GOLGA4: variants seen among roughly 807,000 people sequenced by gnomAD.
GOLGA4 encodes the protein golgin subfamily A member 4.
A neutral mutation model predicts 265.9 loss-of-function variants in GOLGA4; 169 were observed. The ratio of observed to expected loss-of-function variants is 0.64; its 90% CI spans 0.56 to 0.72. GOLGA4 has a LOEUF of 0.72. GOLGA4 is among the 30% of genes least tolerant of loss of function. The pLI, the probability that GOLGA4 is intolerant of heterozygous loss-of-function variation, is 0.00. For missense variants in GOLGA4, 2,482 were observed against 2,483.4 expected (o/e 1.00, Z 0.01); for synonymous variants, 923 against 855.8 (o/e 1.08, Z -1.37).
rs79904515 is a variant in GOLGA4 at position 37,269,239 on chromosome 3, C to T, written c.163-12719C>T. 8.9e-3 allele frequency among the ~76,000 whole-genome samples: 1,349 copies of T among 152,240 alleles called. 26 individuals are homozygous for T. The highest frequency in any genetic ancestry group is 0.031 in the African/African-American group (1,279 of 41,518). ...TATTGAGCTAGTTCTACAGGCACCT[C>T]GCTAGGGGAAAGCCTTCAGAGGAAG... On this transcript the variant is annotated intron_variant, in intron 2 of 23. Transcript: ENST00000361924.
chr3:37,338,828 G>A (rs939157222), intron 19 of GOLGA4, among the ~76,000 whole-genome samples: 11 of 150,268 alleles, frequency 7.3e-5, no homozygotes, highest in Non-Finnish European at 1.3e-4. Flanking sequence ...CATATAAATG[G>A]AATAATAACA....
intron 2 of GOLGA4, among the ~76,000 whole-genome samples, chr3:37,275,176 A>G (rs976131736): frequency 2.9e-5 from 4 of 138,076 alleles, no homozygotes; most frequent in Admixed American, 1.7e-4. Flanking sequence ...AGATCACGCC[A>G]CTGCACTCCA....
chr3:37,334,773 G>A (rs2097003980), intron 16 of GOLGA4, among the ~76,000 whole-genome samples: 1 of 152,060 alleles, frequency 6.6e-6, no homozygotes, highest in South Asian at 2.1e-4. Context: ...TTTGGGATGA[G>A]GAGAGAGGGA....
intron 7 of GOLGA4, among the ~76,000 whole-genome samples, chr3:37,297,687 G>C (rs2096882121): frequency 6.6e-6 from 1 of 152,094 alleles, no homozygotes; most frequent in Non-Finnish European, 1.5e-5. Flanking sequence ...TAGCTGACTA[G>C]GGTTGTCCCT....
intron 2 of GOLGA4, among the ~76,000 whole-genome samples, chr3:37,280,000 C>G (rs1324475982): frequency 6.6e-6 from 1 of 151,968 alleles, no homozygotes; most frequent in Non-Finnish European, 1.5e-5. Context: ...TCCGGTGTTT[C>G]TTCTTACCTA....
intron 2 of GOLGA4, among the ~76,000 whole-genome samples, chr3:37,255,389 C>T (rs2096745704): frequency 6.6e-6 from 1 of 151,820 alleles, no homozygotes; most frequent in Admixed American, 6.6e-5. Flanking sequence ...TCTTGAACTC[C>T]CGACCTCAGG....
intron 10 of GOLGA4, among the ~76,000 whole-genome samples, chr3:37,309,346 A>G (rs530320113): frequency 6.6e-6 from 1 of 152,272 alleles, no homozygotes; most frequent in Admixed American, 6.5e-5. Flanking sequence ...ACCTGAGGTC[A>G]GGAGTTTGAG....
At chr3:37,252,334 T>TA (rs910752567) in intron 2 of GOLGA4, among the ~76,000 whole-genome samples, 7 of 151,608 alleles carry the variant, frequency 4.6e-5, no homozygotes, top group Non-Finnish European at 7.4e-5. Flanking sequence ...TTTTTTTTTT[T>TA]AATAGTTTTA....
At position 37,298,995 on chromosome 3, in the gene GOLGA4, G is replaced by T; in HGVS notation, c.977G>T (p.Arg326Ile). The change falls in exon 8 of 24, where the codon AGA becomes ATA. Residue 326 changes from arginine (R) to isoleucine (I), a missense_variant. Arg to Ile is a moderately conservative substitution (Grantham distance 97). Coordinates refer to ENST00000361924, the MANE Select transcript of GOLGA4 (RefSeq NM_002078.5). ...KEALQEQLDE[R>I]LQELEKIKDL... ...GCTCTGCAAGAACAACTGGATGAAA[G>T]ACTTCAAGAACTAGAAAAGATAAAG... The T allele has an allele frequency of 1.3e-6, 2 of 1,594,900 alleles. No individual in the cohort carries two copies. The highest frequency in any genetic ancestry group is 1.7e-4 in the Middle Eastern group (1 of 5,940).
intron 19 of GOLGA4, among the ~76,000 whole-genome samples, chr3:37,339,065 T>C (rs1186695055): frequency 2.0e-5 from 3 of 152,098 alleles, no homozygotes; most frequent in Non-Finnish European, 4.4e-5. Context: ...GGTTTCACCA[T>C]GTTAGCCAGG....
At position 37,315,406 on chromosome 3, in the gene GOLGA4, T is replaced by G. The variant is rs2150928174; in HGVS notation, c.1235-14T>G. On this transcript the variant is annotated splice_polypyrimidine_tract_variant and intron_variant, in intron 10 of 23. Transcript: ENST00000361924. The stretch of plus-strand genomic sequence containing the variant: ...ATTTCTTGAGATACTTGTTTTCTGT[T>G]GTTTTCATTATAGCTTTTGAGGAAC... 2 of 1,599,816 alleles carry G rather than the reference T, an allele frequency of 1.3e-6. No individual in the cohort carries two copies. Among genetic ancestry groups the G allele is most frequent in the East Asian group, 2.2e-5 (1 of 44,760 alleles).
intron 2 of GOLGA4, among the ~76,000 whole-genome samples, chr3:37,273,255 A>G (rs1559368317): frequency 6.6e-6 from 1 of 152,210 alleles, no homozygotes; most frequent in Non-Finnish European, 1.5e-5. Flanking sequence ...AACTGGGGAC[A>G]TAATGGGAAG....
At chr3:37,299,096 C>T (rs944851428) in intron 8 of GOLGA4, 76 bp downstream of exon 8, 1 of 1,276,506 alleles carries the variant, frequency 7.8e-7, no homozygotes, top group East Asian at 2.3e-5. Context: ...TGGCTTGTAC[C>T]TCCGGGAGAG....
chr3:37,275,669 G>A lies in GOLGA4; in HGVS notation c.163-6289G>A, dbSNP rs530473132. On this transcript the variant is annotated intron_variant, in intron 2 of 23. Transcript: ENST00000361924. ...CCACTTCCCCTTGCCAGCGGGGTGG[G>A]CGCGGAGAAGACCTGCCGGAGCCAT... 53 of 1,611,548 alleles carry A rather than the reference G, an allele frequency of 3.3e-5. No homozygotes were observed. In the African/African-American group the frequency reaches 6.9e-4, roughly 21 times the overall value.
At chr3:37,283,755 G>A (rs1224232639) in intron 3 of GOLGA4, among the ~76,000 whole-genome samples, 1 of 152,128 alleles carries the variant, frequency 6.6e-6, no homozygotes, top group East Asian at 1.9e-4. Context: ...TTGAACTCCT[G>A]AAGTCAAGTG....
chr3:37,352,160 C>T (rs189199604), intron 21 of GOLGA4, among the ~76,000 whole-genome samples: 330 of 152,068 alleles, frequency 2.2e-3, no homozygotes, highest in African/African-American at 7.5e-3. Context: ...TCCCTTCTCA[C>T]GGCTGCTAAT....
intron 4 of GOLGA4, among the ~76,000 whole-genome samples, chr3:37,287,234 G>A (rs1010427900): frequency 1.5e-4 from 23 of 152,106 alleles, no homozygotes; most frequent in African/African-American, 4.3e-4. Flanking sequence ...CCAGCTACTC[G>A]GGAGGCTGAG....
intron 7 of GOLGA4, among the ~76,000 whole-genome samples, chr3:37,297,435 G>C (rs948265144): frequency 6.6e-5 from 10 of 152,344 alleles, no homozygotes; most frequent in Admixed American, 6.5e-4. Flanking sequence ...TTAGAATGTG[G>C]TTGGAAAGAA....
At chr3:37,348,834 T>C (rs2097064430) in intron 21 of GOLGA4, among the ~76,000 whole-genome samples, 1 of 152,190 alleles carries the variant, frequency 6.6e-6, no homozygotes, top group African/African-American at 2.4e-5. Context: ...GCTACGGAGC[T>C]TAACTACCCT....
Sources: allele counts gnomAD v4.1 joint callset (sites outside exome capture counted in the v4.1 genomes callset), GRCh38; gene constraint gnomAD v4.1.1; transcripts MANE v1.5; gene names NCBI Gene and HGNC (gene_info 2026-07-23, HGNC 2026-07-21).